Variants in VPS13D observed in about 807,000 individuals in gnomAD.
VPS13D encodes the protein vacuolar protein sorting 13 homolog D, also known as intermembrane lipid transfer protein VPS13D.
VPS13D carries 187 observed loss-of-function variants against 461.9 expected under a neutral mutation model. The observed-to-expected ratio is 0.40, with a 90% confidence interval of 0.36 to 0.46. The LOEUF is 0.46. VPS13D is among the 20% of genes least tolerant of loss of function. VPS13D has a pLI of 0.60. For synonymous variants in VPS13D, 1,951 were observed against 1,986.3 expected (o/e 0.98, Z 0.47); for missense variants, 4,711 against 5,364.9 (o/e 0.88, Z 3.81).
At chr1:12,399,840 A>G (rs1221544026) in intron 60 of VPS13D, among the ~76,000 whole-genome samples, 2 of 152,100 alleles carry the variant, frequency 1.3e-5, no homozygotes, top group Non-Finnish European at 2.9e-5. Context: ...AAATATGTAT[A>G]TATTCATCGT....
chr1:12,490,469 G>A (rs761217201), intron 67 of VPS13D, among the ~76,000 whole-genome samples: 3 of 152,224 alleles, frequency 2.0e-5, no homozygotes, highest in South Asian at 2.1e-4. Context: ...ATTACAGTTT[G>A]CACTGAAAGG....
At chr1:12,428,915 A>G (rs1305681378) in intron 65 of VPS13D, among the ~76,000 whole-genome samples, 1 of 152,224 alleles carries the variant, frequency 6.6e-6, no homozygotes, top group African/African-American at 2.4e-5. Flanking sequence ...CAGAGGAAAT[A>G]AGTATTGCAG....
rs114375192 is a variant in VPS13D, at chr1:12,262,711, T to C, written c.1594+631T>C. Among the ~76,000 whole-genome samples the C allele has an allele frequency of 4.7e-3, 713 of 151,950 alleles. 9 individuals are homozygous for C. The highest frequency in any genetic ancestry group is 0.017 in the African/African-American group (686 of 41,480). On this transcript the variant is annotated intron_variant, in intron 13 of 69. Transcript: ENST00000620676. ...TTGACTTACTGTATTTTCTTTCTTTTTTTTTTTTTTGAGACAGAGTCTTGC... is the reference window on the plus strand; with the variant it reads ...TTGACTTACTGTATTTTCTTTCTTTCTTTTTTTTTTGAGACAGAGTCTTGC...
intron 43 of VPS13D, among the ~76,000 whole-genome samples, 167 bp downstream of exon 43, chr1:12,345,676 G>A (rs1643659898): frequency 6.6e-6 from 1 of 152,186 alleles, no homozygotes; most frequent in South Asian, 2.1e-4. Flanking sequence ...AGATAAGCCA[G>A]CCAATGGTTA....
chr1:12,444,032 A>G (rs1279926419), intron 65 of VPS13D, among the ~76,000 whole-genome samples: 10 of 151,770 alleles, frequency 6.6e-5, no homozygotes, highest in Non-Finnish European at 1.5e-4. Flanking sequence ...TTTTTTAGAG[A>G]CAGGGTTTCA....
At chr1:12,443,849 C>CT (rs796680444) in intron 65 of VPS13D, among the ~76,000 whole-genome samples, 4,898 of 143,222 alleles carry the variant, frequency 0.034, 127 homozygotes, top group African/African-American at 0.073. Flanking sequence ...TTTTGTTTTT[C>CT]TTTTTTTTTT....
intron 25 of VPS13D, among the ~76,000 whole-genome samples, chr1:12,303,523 T>C (rs1248433840): frequency 1.3e-5 from 2 of 152,218 alleles, no homozygotes; most frequent in African/African-American, 4.8e-5. Flanking sequence ...ACTTAAATAA[T>C]GACATTTACC....
intron 65 of VPS13D, among the ~76,000 whole-genome samples, chr1:12,451,957 C>T (rs925722923): frequency 6.6e-6 from 1 of 152,080 alleles, no homozygotes; most frequent in Non-Finnish European, 1.5e-5. Context: ...TATTTGTATC[C>T]CCATTTTGAA....
intron 24 of VPS13D, among the ~76,000 whole-genome samples, chr1:12,297,157 C>T (rs559014409): frequency 6.6e-6 from 1 of 152,144 alleles, no homozygotes; most frequent in Admixed American, 6.5e-5. Context: ...TTTCTTTCAC[C>T]TTGTATTGGT....
intron 30 of VPS13D, among the ~76,000 whole-genome samples, chr1:12,317,580 A>C (rs1642923327): frequency 6.6e-6 from 1 of 151,738 alleles, no homozygotes; most frequent in Non-Finnish European, 1.5e-5. Flanking sequence ...TGAAATGTGA[A>C]TAAAAAATGT....
chr1:12,273,269 C>T, intron 18 of VPS13D, 134 bp downstream of exon 18: 1 of 1,148,268 alleles, frequency 8.7e-7, no homozygotes, highest in Non-Finnish European at 1.2e-6. Flanking sequence ...CAAGGTTCAT[C>T]TGTAACTTTT....
At chr1:12,296,081 A>G (rs1642267369) in intron 24 of VPS13D, among the ~76,000 whole-genome samples, 1 of 152,056 alleles carries the variant, frequency 6.6e-6, no homozygotes, top group African/African-American at 2.4e-5. Flanking sequence ...TGATTTATCC[A>G]TTTTCCTTTG....
chr1:12,345,339 G>T (rs765493801), intron 42 of VPS13D, 35 bp from the exon 43 acceptor site: 59 of 1,585,892 alleles, frequency 3.7e-5, no homozygotes, highest in Non-Finnish European at 4.8e-5. Context: ...TCTGGAGATT[G>T]TGCCTAATAT....
chr1:12,412,140 A>T (rs1644738073), intron 63 of VPS13D, among the ~76,000 whole-genome samples: 1 of 152,250 alleles, frequency 6.6e-6, no homozygotes, highest in African/African-American at 2.4e-5. Context: ...GAAAACAATT[A>T]AACATTATTG....
intron 67 of VPS13D, among the ~76,000 whole-genome samples, chr1:12,493,738 G>A (rs1333086535): frequency 6.6e-6 from 1 of 152,188 alleles, no homozygotes; most frequent in Non-Finnish European, 1.5e-5. Context: ...GCTGGCTTAC[G>A]AGGTTTGAAA....
Position 12,308,430 on chromosome 1 carries a change from G to A in VPS13D, c.6440-1G>A. The A allele has an allele frequency of 6.2e-7, 1 of 1,614,102 alleles. No homozygotes were observed. The highest frequency in any genetic ancestry group is 8.5e-7 in the Non-Finnish European group (1 of 1,180,032). Reference sequence around the variant, plus strand: ...ACCTCTCTTTCCTTGGGTCCTTGTAGAAGACCATGTCTGCCTGCTGGATTG... The same window carrying A: ...ACCTCTCTTTCCTTGGGTCCTTGTAAAAGACCATGTCTGCCTGCTGGATTG... On this transcript the variant is annotated splice_acceptor_variant, in intron 26 of 69. Coordinates refer to ENST00000620676, the MANE Select transcript of VPS13D (RefSeq NM_015378.4). LOFTEE classifies it high-confidence loss of function.
At chr1:12,301,262 G>A (rs543698951) in intron 25 of VPS13D, among the ~76,000 whole-genome samples, 1 of 152,094 alleles carries the variant, frequency 6.6e-6, no homozygotes, top group South Asian at 2.1e-4. Context: ...TTAACCACTT[G>A]GAGTTAGCTT....
Position 12,506,860 on chromosome 1 carries a change from G to A in VPS13D, c.12802G>A (p.Ala4268Thr), listed in dbSNP as rs1646116082. Residue 4268 changes from alanine (A) to threonine (T), a missense_variant, in exon 69 of 70, where the codon GCT becomes ACT. Physicochemically the swap from Ala to Thr is moderately conservative, Grantham distance 58. This residue lies in a region of VPS13D where 194 missense variants were observed against 220.9 expected (regional missense o/e 0.88). Transcript: ENST00000620676. ...TDNIQDEFFI[A>T]VENIDSYCVL... ...TCCCGTCTCGCTTTGCAGCTTCATC[G>A]CTGTGGAGAACATTGACAGCTACTG... is the stretch of plus-strand genomic sequence containing the variant. 3.7e-6 allele frequency: 6 copies of A among 1,613,968 alleles called. No individual in the cohort carries two copies. The highest frequency in any genetic ancestry group is 2.5e-6 in the Non-Finnish European group (3 of 1,179,914).
At chr1:12,497,653 C>G in intron 68 of VPS13D, 22 bp downstream of exon 68, 1 of 1,606,034 alleles carries the variant, frequency 6.2e-7, no homozygotes, top group Non-Finnish European at 8.5e-7. Flanking sequence ...CATGGGAAAC[C>G]AGCCCTGTGG....
Sources: gnomAD v4.1 joint callset for allele counts (sites outside exome capture counted in the v4.1 genomes callset) on GRCh38, gnomAD v4.1.1 for gene constraint, gnomAD v4.1.1 regional missense constraint, MANE v1.5 for transcripts, NCBI Gene and HGNC (gene_info 2026-07-23, HGNC 2026-07-21) for gene names.